The following KIAA1549L variants were observed in gnomAD, a reference collection of about 807,000 sequenced individuals.
KIAA1549L encodes UPF0606 protein KIAA1549L.
KIAA1549L carries 88 observed loss-of-function variants against 160.7 expected under a neutral mutation model. The ratio of observed to expected loss-of-function variants is 0.55; its 90% CI spans 0.46 to 0.65. KIAA1549L has a LOEUF of 0.65. KIAA1549L is among the 30% of genes least tolerant of loss of function. KIAA1549L has a pLI of 0.00. For synonymous variants in KIAA1549L, 950 were observed against 976.7 expected (o/e 0.97, Z 0.51); for missense variants, 2,258 against 2,437.5 (o/e 0.93, Z 1.55).
intron 9 of KIAA1549L, among the ~76,000 whole-genome samples, chr11:33,573,469 T>G (rs1204024812): frequency 6.6e-6 from 1 of 152,186 alleles, no homozygotes; most frequent in Non-Finnish European, 1.5e-5. Flanking sequence ...GCTTTTGTAT[T>G]CATCCATAAT....
At chr11:33,616,126 A>C (rs1245941892) in intron 15 of KIAA1549L, among the ~76,000 whole-genome samples, 2 of 152,138 alleles carry the variant, frequency 1.3e-5, no homozygotes, top group Admixed American at 1.3e-4. Context: ...AGGGGAATAT[A>C]TTATTGAGCA....
At chr11:33,661,407 G>A (rs1396664930) in intron 20 of KIAA1549L, among the ~76,000 whole-genome samples, 1 of 152,162 alleles carries the variant, frequency 6.6e-6, no homozygotes, top group Non-Finnish European at 1.5e-5. Context: ...TGCAGATGAG[G>A]AAATCAGGGC....
Position 33,606,769 on chromosome 11 carries a change from G to A in KIAA1549L, c.5008G>A (p.Val1670Met), listed in dbSNP as rs1455897431. Residue 1670 changes from valine (V) to methionine (M), a missense_variant, in exon 14 of 21, where the codon GTG becomes ATG. This residue lies in a region of KIAA1549L where 1,359 missense variants were observed against 1,546.6 expected (regional missense o/e 0.88). Transcript: ENST00000658780. ...CATAAAACCCACAGCCCTCCCCATG[G>A]TGCCCCCCACCTCGGACAGGAGCCA... is the stretch of plus-strand genomic sequence containing the variant. ...IAIKPTALPM[V>M]PPTSDRSQES... is the part of the protein sequence containing the mutation. 1 of 1,613,384 alleles carries A rather than the reference G, an allele frequency of 6.2e-7. No homozygotes were observed. The highest frequency in any genetic ancestry group is 8.5e-7 in the Non-Finnish European group (1 of 1,179,666).
chr11:33,482,014 T>C (rs1276626754), intron 1 of KIAA1549L, among the ~76,000 whole-genome samples: 1 of 152,254 alleles, frequency 6.6e-6, no homozygotes, highest in African/African-American at 2.4e-5. Context: ...GTTTTCCTTA[T>C]TTCTCTTAAC....
rs114149202 is a variant in KIAA1549L, at chr11:33,515,728, C to G, written c.239-26074C>G. Among the ~76,000 whole-genome samples the G allele has an allele frequency of 4.3e-3, 659 of 152,318 alleles. 7 individuals carry two copies. Among genetic ancestry groups the G allele is most frequent in the African/African-American group, 0.015 (604 of 41,566 alleles). On this transcript the variant is annotated intron_variant, in intron 1 of 20. Transcript: ENST00000658780. ...TCTTTTCCTCTTTTTCATTTGGTTT[C>G]TCAATCAGTCTTTAACCTCCTCCCT...
chr11:33,434,662 G>A (rs185541709), intron 1 of KIAA1549L, among the ~76,000 whole-genome samples: 1 of 152,272 alleles, frequency 6.6e-6, no homozygotes, highest in Non-Finnish European at 1.5e-5. Context: ...CTCAATAAAT[G>A]GGCTGGAGTA....
intron 1 of KIAA1549L, among the ~76,000 whole-genome samples, chr11:33,502,629 A>G (rs896012295): frequency 6.6e-6 from 1 of 152,220 alleles, no homozygotes; most frequent in Admixed American, 6.5e-5. Context: ...CAGAAGCCTA[A>G]TAAACAAATG....
intron 1 of KIAA1549L, among the ~76,000 whole-genome samples, chr11:33,468,441 A>G (rs540868505): frequency 6.6e-6 from 1 of 152,362 alleles, no homozygotes; most frequent in South Asian, 2.1e-4. Flanking sequence ...AGTGTTACAG[A>G]GTCACCCAGT....
intron 1 of KIAA1549L, among the ~76,000 whole-genome samples, chr11:33,493,518 C>T (rs527867720): frequency 8.5e-5 from 13 of 152,264 alleles, no homozygotes; most frequent in East Asian, 3.9e-4. Flanking sequence ...CCCTGAGTCC[C>T]GGTCTGTTGA....
In KIAA1549L at chr11:33,668,989, G is replaced by A. The variant is rs1852581739; in HGVS notation, c.*835G>A. ...TTTTCTTTGCCTTGTTTTGAAGGTG[G>A]CCTGAGAATGGAGCTTCTCTTTTTC... On this transcript the variant is annotated 3_prime_UTR_variant, in exon 21 of 21. Transcript: ENST00000658780. 1.3e-5 allele frequency: 2 copies of A among 152,150 alleles called. No individual in the cohort carries two copies. The highest frequency in any genetic ancestry group is 2.1e-4 in the South Asian group (1 of 4,812). 9.4% of individuals were successfully genotyped at this position (152,150 alleles called of 1,614,324 possible). A position where few individuals can be genotyped will look rare whatever the true frequency, so the allele number is the denominator to read the frequency against.
At chr11:33,654,147 T>C (rs372919473) in intron 17 of KIAA1549L, among the ~76,000 whole-genome samples, 10 of 151,684 alleles carry the variant, frequency 6.6e-5, no homozygotes, top group African/African-American at 2.4e-4. Context: ...TAATTTTTTG[T>C]ATTTTTAGTA....
chr11:33,567,923 G>A (rs115211018), intron 8 of KIAA1549L, among the ~76,000 whole-genome samples, 153 bp from the exon 9 acceptor site: 1,618 of 152,302 alleles, frequency 0.011, 32 homozygotes, highest in African/African-American at 0.036. Context: ...TAGGGCTGTC[G>A]CGAAGGTGAA....
Position 33,543,632 on chromosome 11 carries a change from C to T in KIAA1549L, c.2069C>T (p.Pro690Leu), listed in dbSNP as rs200940153. The change falls in exon 2 of 21, where the codon CCA becomes CTA. Residue 690 changes from proline to leucine, a missense_variant. Pro to Leu is a moderately conservative substitution (Grantham distance 98). Coordinates refer to ENST00000658780, the MANE Select transcript of KIAA1549L (RefSeq NM_012194.3). ...TTAACAATAGGAGACATGAAAAAGC[C>T]AGCAACCACAGATGTTTTCTGGAGT... ...DSLTIGDMKK[P>L]ATTDVFWSSL... The T allele has an allele frequency of 4.9e-4, 784 of 1,613,892 alleles. 1 individual carries two copies. Among genetic ancestry groups the T allele is most frequent in the Non-Finnish European group, 6.2e-4 (728 of 1,179,824 alleles).
chr11:33,442,306 C>A (rs1851525654), intron 1 of KIAA1549L, among the ~76,000 whole-genome samples: 1 of 152,138 alleles, frequency 6.6e-6, no homozygotes, highest in Admixed American at 6.5e-5. Context: ...CAGTACCATG[C>A]TGTTTTGGTT....
intron 5 of KIAA1549L, 95 bp downstream of exon 5, chr11:33,551,354 G>A (rs765772827): frequency 2.5e-4 from 268 of 1,076,168 alleles, no homozygotes; most frequent in Non-Finnish European, 3.6e-4. Context: ...GCTAGCTGCT[G>A]TGTCATTTTT....
intron 13 of KIAA1549L, among the ~76,000 whole-genome samples, chr11:33,602,656 A>G (rs967388243): frequency 2.0e-5 from 3 of 152,120 alleles, no homozygotes; most frequent in Admixed American, 6.5e-5. Context: ...ATGCGATGCT[A>G]TGCTAAGACA....
chr11:33,457,098 CT>C (rs1029902658), intron 1 of KIAA1549L, among the ~76,000 whole-genome samples: 54 of 152,244 alleles, frequency 3.5e-4, no homozygotes, highest in African/African-American at 1.3e-3. Flanking sequence ...GTATGGGGTC[CT>C]TTTGAGGGTT....
intron 1 of KIAA1549L, among the ~76,000 whole-genome samples, chr11:33,473,397 G>A (rs1390266918): frequency 6.6e-6 from 1 of 152,198 alleles, no homozygotes. Context: ...ATACTTCCTG[G>A]AGGAGGTGAT....
chr11:33,627,931 A>G (rs1851164780), intron 16 of KIAA1549L, among the ~76,000 whole-genome samples: 2 of 151,462 alleles, frequency 1.3e-5, no homozygotes, highest in African/African-American at 2.4e-5. Flanking sequence ...TTAGTGCTAT[A>G]AATTTCCCTC....
Sources: gnomAD v4.1 joint callset for allele counts (sites outside exome capture counted in the v4.1 genomes callset) on GRCh38, gnomAD v4.1.1 for gene constraint, gnomAD v4.1.1 regional missense constraint, MANE v1.5 for transcripts, NCBI Gene and HGNC (gene_info 2026-07-23, HGNC 2026-07-21) for gene names.